Variants in OSTC observed in about 807,000 individuals in gnomAD.
OSTC encodes oligosaccharyltransferase complex subunit OSTC.
A neutral mutation model predicts 16.4 loss-of-function variants in OSTC; 16 were observed. The ratio of observed to expected loss-of-function variants is 0.98; its 90% confidence interval spans 0.66 to 1.49. The LOEUF (loss-of-function observed/expected upper bound fraction) is 1.49. OSTC is among the 40% of genes most tolerant of loss of function. OSTC has a pLI of 0.00. For synonymous variants in OSTC, 67 were observed against 68.5 expected, an observed-to-expected ratio of 0.98 and a Z score of 0.11; for missense variants, 139 against 186.3, an observed-to-expected ratio of 0.75 and a Z score of 1.48.
At chr4:108,652,128 A>G (rs935284076) in intron 1 of OSTC, 1 of 152,170 alleles carries the variant, frequency 6.6e-6, no homozygotes, top group Admixed American at 6.5e-5. Context: ...AATAATATAG[A>G]ATAATTCAGT....
chr4:108,651,767 G>A (rs551646507), intron 1 of OSTC, among the ~76,000 whole-genome samples: 2 of 152,266 alleles, frequency 1.3e-5, no homozygotes, highest in East Asian at 3.9e-4. Flanking sequence ...AGCAAAAGTA[G>A]TTCTACTTTT....
At chr4:108,650,967 G>A in intron 1 of OSTC, 173 bp downstream of exon 1, 1 of 847,028 alleles carries the variant, frequency 1.2e-6, no homozygotes, top group Non-Finnish European at 1.8e-6. Flanking sequence ...AAGTTTATTC[G>A]CCTTCACGCC....
intron 3 of OSTC, among the ~76,000 whole-genome samples, chr4:108,658,619 G>A (rs1458029665): frequency 6.6e-6 from 1 of 152,038 alleles, no homozygotes; most frequent in African/African-American, 2.4e-5. Flanking sequence ...TTTAATTCAT[G>A]GATGCATTAG....
At chr4:108,664,710 C>T (rs1327939691) in intron 3 of OSTC, among the ~76,000 whole-genome samples, 3 of 151,814 alleles carry the variant, frequency 2.0e-5, no homozygotes, top group Non-Finnish European at 4.4e-5. Flanking sequence ...TCTCCTGCCT[C>T]GGCGTCCTGA....
At chr4:108,653,413 G>A (rs1268072121) in intron 1 of OSTC, among the ~76,000 whole-genome samples, 2 of 152,294 alleles carry the variant, frequency 1.3e-5, no homozygotes, top group African/African-American at 4.8e-5. Flanking sequence ...AGAGGGAAAC[G>A]TAGGGCAAAT....
Position 108,655,827 on chromosome 4 carries a change from ATTAT to A in OSTC, c.233+180_233+183del, listed in dbSNP as rs375772727. Among the ~76,000 whole-genome samples the A allele has an allele frequency of 2.0e-4, 30 of 152,330 alleles. No homozygotes were observed. In the East Asian group the frequency reaches 5.4e-3, roughly 27 times the overall value. ...GAAAGTGAGTCAAAAACAAGAGTAT[ATTAT>A]TTATTTATTAAGAAATAAAGTATTT... On this transcript the variant is annotated intron_variant, in intron 2 of 3. Transcript: ENST00000361564.
At chr4:108,652,905 G>A (rs575189250) in intron 1 of OSTC, among the ~76,000 whole-genome samples, 1 of 152,200 alleles carries the variant, frequency 6.6e-6, no homozygotes, top group African/African-American at 2.4e-5. Context: ...CAGGCGTGGT[G>A]GTACACGCCT....
At chr4:108,659,719 A>G (rs1490571907) in intron 3 of OSTC, among the ~76,000 whole-genome samples, 3 of 152,176 alleles carry the variant, frequency 2.0e-5, no homozygotes, top group Non-Finnish European at 4.4e-5. Context: ...CAGTGAGCCA[A>G]GATCGTGCCA....
intron 2 of OSTC, among the ~76,000 whole-genome samples, chr4:108,656,574 C>G (rs958706938): frequency 1.0e-4 from 7 of 69,508 alleles, no homozygotes; most frequent in Admixed American, 5.5e-4. Context: ...CTCTGTATCC[C>G]TAGAAAAATC....
chr4:108,652,145 A>G (rs1336929694), intron 1 of OSTC: 1 of 152,166 alleles, frequency 6.6e-6, no homozygotes, highest in East Asian at 1.9e-4. Context: ...CAGTATTATT[A>G]TTGAGTGCTC....
chr4:108,667,176 A>C (rs180939179), intron 3 of OSTC, 71 bp from the exon 4 acceptor site: 1 of 1,303,536 alleles, frequency 7.7e-7, no homozygotes, highest in East Asian at 2.4e-5. Context: ...GGCATTTTGA[A>C]ATACTATGAT....
At chr4:108,656,923 C>G (rs987000698) in intron 2 of OSTC, among the ~76,000 whole-genome samples, 1 of 152,016 alleles carries the variant, frequency 6.6e-6, no homozygotes, top group Non-Finnish European at 1.5e-5. Flanking sequence ...CCCGGTGAAA[C>G]CCTGTCTCCC....
At position 108,655,652 on chromosome 4, in the gene OSTC, C is replaced by T; in HGVS notation, c.228C>T (p.Ala76=). ...HGHQRPVAFL[A]YRVNGQYIME... is the part of the protein sequence containing the mutation. Reference sequence around the variant, plus strand: ...ATCAGAGGCCAGTAGCTTTCTTGGCCTACAGGTAAAAGATACCTTTTTGAA... The same window carrying T: ...ATCAGAGGCCAGTAGCTTTCTTGGCTTACAGGTAAAAGATACCTTTTTGAA... The change falls in exon 2 of 4, where the codon GCC becomes GCT. Residue 76 remains alanine (A), a synonymous_variant. Transcript: ENST00000361564. The T allele has an allele frequency of 6.3e-7, 1 of 1,599,188 alleles. No individual in the cohort carries two copies. Among genetic ancestry groups the T allele is most frequent in the Non-Finnish European group, 8.6e-7 (1 of 1,167,116 alleles).
chr4:108,657,917 C>CTTTTTTTTTTTTTTTTTTT (rs70949037), intron 3 of OSTC, among the ~76,000 whole-genome samples: 1 of 67,142 alleles, frequency 1.5e-5, no homozygotes, highest in African/African-American at 6.2e-5. Flanking sequence ...GTCATTGTTT[C>CTTTTTTTTTTTTTTTTTTT]TTTTTTTTTT....
At chr4:108,653,115 T>G (rs1726599776) in intron 1 of OSTC, among the ~76,000 whole-genome samples, 1 of 152,064 alleles carries the variant, frequency 6.6e-6, no homozygotes, top group Non-Finnish European at 1.5e-5. Flanking sequence ...GGGACTATGG[T>G]GCAGGAGTTT....
intron 1 of OSTC, chr4:108,651,569 G>T (rs1472462118): frequency 6.6e-6 from 1 of 152,144 alleles, no homozygotes; most frequent in Non-Finnish European, 1.5e-5. Flanking sequence ...TTGGCAATCC[G>T]GCTAGTCTTT....
At chr4:108,665,779 C>T (rs1313051360) in intron 3 of OSTC, among the ~76,000 whole-genome samples, 1 of 151,904 alleles carries the variant, frequency 6.6e-6, no homozygotes, top group Non-Finnish European at 1.5e-5. Flanking sequence ...AGGCTGGTCT[C>T]GAACTCCTGA....
rs1373131404 is a variant in OSTC at position 108,665,525 on chromosome 4, G to GATGTT, written c.432-1721_432-1717dup. 2.3e-4 allele frequency among the ~76,000 whole-genome samples: 11 copies of GATGTT among 47,640 alleles called. No homozygotes were observed. The East Asian group carries it at 0.2, about 847-fold the overall frequency. 31.3% of individuals were successfully genotyped at this position (47,640 alleles called of 152,430 possible). ...CACGGGGTTTCACCATGTTAGCCAG[G>GATGTT]ATGTTTTGTGTTTTGTTTTGTTTTG... is the stretch of plus-strand genomic sequence containing the variant. On this transcript the variant is annotated intron_variant, in intron 3 of 3. Coordinates refer to ENST00000361564, the MANE Select transcript of OSTC (RefSeq NM_021227.4).
At chr4:108,650,963 A>G (rs1726519935) in intron 1 of OSTC, 169 bp downstream of exon 1, 4 of 910,558 alleles carry the variant, frequency 4.4e-6, no homozygotes, top group Non-Finnish European at 6.5e-6. Context: ...GTCCAAGTTT[A>G]TTCGCCTTCA....
Sources: gnomAD v4.1 joint callset for allele counts (sites outside exome capture counted in the v4.1 genomes callset) on GRCh38, gnomAD v4.1.1 for gene constraint, MANE v1.5 for transcripts, NCBI Gene and HGNC (gene_info 2026-07-23, HGNC 2026-07-21) for gene names.